The following FHIT variants were observed in gnomAD, a reference collection of about 807,000 sequenced individuals.
FHIT encodes fragile histidine triad diadenosine triphosphatase, also known as bis(5'-adenosyl)-triphosphatase.
FHIT carries 19 observed loss-of-function variants against 17.9 expected under a neutral mutation model. The ratio of observed to expected loss-of-function variants is 1.06; its 90% CI spans 0.74 to 1.56. FHIT has a LOEUF of 1.56. Among genes scored for constraint, FHIT ranks in the 40% most tolerant of loss-of-function variants. The probability of loss-of-function intolerance (pLI) is 0.00; values close to 1 mark genes in which losing one functional copy is unlikely to be tolerated. For missense variants in FHIT, 248 were observed against 189.2 expected, an observed-to-expected ratio of 1.31 and a Z score of -1.82; for synonymous variants, 81 against 69.7, an observed-to-expected ratio of 1.16 and a Z score of -0.81.
chr3:60,248,073 T>C (rs765673070), intron 5 of FHIT, among the ~76,000 whole-genome samples: 1 of 152,154 alleles, frequency 6.6e-6, no homozygotes, highest in Non-Finnish European at 1.5e-5. Context: ...CTTATAACCA[T>C]ATCTAAAAAT....
At chr3:60,191,679 T>A (rs564531107) in intron 5 of FHIT, among the ~76,000 whole-genome samples, 2 of 152,124 alleles carry the variant, frequency 1.3e-5, no homozygotes, top group African/African-American at 4.8e-5. Flanking sequence ...AGTGAGGACA[T>A]TGAAAAGAAT....
intron 5 of FHIT, among the ~76,000 whole-genome samples, chr3:60,188,625 T>C (rs1702266800): frequency 6.6e-6 from 1 of 152,156 alleles, no homozygotes; most frequent in South Asian, 2.1e-4. Flanking sequence ...ACAGTAACTA[T>C]TTTTATAAAG....
chr3:59,948,292 C>G (rs1412075396), intron 7 of FHIT, among the ~76,000 whole-genome samples: 1 of 147,890 alleles, frequency 6.8e-6, no homozygotes, highest in East Asian at 2.0e-4. Context: ...ATCATAAGGT[C>G]AGGACATCGA....
At chr3:60,346,954 A>G (rs1710811508) in intron 5 of FHIT, among the ~76,000 whole-genome samples, 1 of 152,194 alleles carries the variant, frequency 6.6e-6, no homozygotes, top group African/African-American at 2.4e-5. Context: ...ATGGACACTT[A>G]ATTTCTTCTA....
intron 4 of FHIT, among the ~76,000 whole-genome samples, chr3:60,720,682 C>T (rs2041790351): frequency 6.6e-6 from 1 of 152,122 alleles, no homozygotes; most frequent in Non-Finnish European, 1.5e-5. Flanking sequence ...GATTTTAAAA[C>T]TCTACAGGAG....
At chr3:61,068,114 G>A (rs2034675201) in intron 2 of FHIT, among the ~76,000 whole-genome samples, 1 of 152,074 alleles carries the variant, frequency 6.6e-6, no homozygotes, top group African/African-American at 2.4e-5. Context: ...ATTACTATCC[G>A]AATAAAGCCA....
At chr3:60,531,411 T>C (rs2035779462) in intron 5 of FHIT, among the ~76,000 whole-genome samples, 1 of 151,378 alleles carries the variant, frequency 6.6e-6, no homozygotes, top group South Asian at 2.1e-4. Context: ...CCCGAGTAGC[T>C]GGGACTACAG....
chr3:59,993,336 G>A (rs1699369889), intron 7 of FHIT, among the ~76,000 whole-genome samples: 1 of 152,168 alleles, frequency 6.6e-6, no homozygotes, highest in East Asian at 1.9e-4. Context: ...ATCCTACAAA[G>A]CAAGTAATCA....
intron 3 of FHIT, among the ~76,000 whole-genome samples, chr3:60,991,623 T>C (rs1181216115): frequency 2.0e-5 from 3 of 152,226 alleles, no homozygotes; most frequent in Non-Finnish European, 4.4e-5. Flanking sequence ...ATCCTTGCTC[T>C]GCCATCAATA....
At chr3:60,731,181 G>A (rs1322678962) in intron 4 of FHIT, among the ~76,000 whole-genome samples, 3 of 151,996 alleles carry the variant, frequency 2.0e-5, no homozygotes, top group Non-Finnish European at 2.9e-5. Flanking sequence ...ACAGCAGTAC[G>A]TTACTGGCCG....
intron 5 of FHIT, among the ~76,000 whole-genome samples, chr3:60,393,915 A>G (rs565801556): frequency 6.6e-6 from 1 of 152,150 alleles, no homozygotes; most frequent in Non-Finnish European, 1.5e-5. Context: ...TGCGTTCAGT[A>G]ATAACTGCAA....
intron 4 of FHIT, among the ~76,000 whole-genome samples, chr3:60,686,232 G>A (rs2040859472): frequency 6.6e-6 from 1 of 152,014 alleles, no homozygotes; most frequent in East Asian, 1.9e-4. Flanking sequence ...GTTTTTCTCC[G>A]GCTATTTTCA....
intron 4 of FHIT, among the ~76,000 whole-genome samples, chr3:60,766,117 T>C (rs969239514): frequency 3.9e-5 from 6 of 152,184 alleles, no homozygotes; most frequent in Non-Finnish European, 8.8e-5. Context: ...CAACTCTTCC[T>C]AATATATTCC....
intron 5 of FHIT, among the ~76,000 whole-genome samples, chr3:60,102,085 G>A (rs1351487830): frequency 6.6e-6 from 1 of 152,222 alleles, no homozygotes; most frequent in Non-Finnish European, 1.5e-5. Flanking sequence ...GTGAGTCCCA[G>A]AAGTACAGAA....
At chr3:60,299,754 T>C (rs186200742) in intron 5 of FHIT, among the ~76,000 whole-genome samples, 347 of 152,228 alleles carry the variant, frequency 2.3e-3, no homozygotes, top group Admixed American at 3.6e-3. Flanking sequence ...AATACCAACC[T>C]GACAAGGAGG....
chr3:61,192,817 C>G (rs888142296), intron 2 of FHIT, among the ~76,000 whole-genome samples: 6 of 152,118 alleles, frequency 3.9e-5, no homozygotes, highest in African/African-American at 1.4e-4. Context: ...AAGGATTAAT[C>G]ATGTGATCAT....
intron 1 of FHIT, among the ~76,000 whole-genome samples, chr3:61,202,883 C>G (rs754327653): frequency 9.9e-5 from 15 of 152,146 alleles, no homozygotes; most frequent in Middle Eastern, 6.8e-3. Context: ...GAAACCTTGT[C>G]TCTACTAAAA....
chr3:61,222,046 C>A (rs765633277), intron 1 of FHIT, among the ~76,000 whole-genome samples: 5 of 152,178 alleles, frequency 3.3e-5, no homozygotes, highest in Non-Finnish European at 4.4e-5. Context: ...GCTCGGATGG[C>A]CCAGCAACGT....
chr3:60,184,141 C>G (rs181284695), intron 5 of FHIT, among the ~76,000 whole-genome samples: 6 of 152,116 alleles, frequency 3.9e-5, no homozygotes, highest in African/African-American at 1.4e-4. Flanking sequence ...GGCATTATCA[C>G]ACCTAATTTG....
Sources: allele counts gnomAD v4.1 joint callset (sites outside exome capture counted in the v4.1 genomes callset), GRCh38; gene constraint gnomAD v4.1.1; transcripts MANE v1.5; gene names NCBI Gene and HGNC (gene_info 2026-07-23, HGNC 2026-07-21).